The following BACE2 variants were observed in gnomAD, a reference collection of about 807,000 sequenced individuals.
The protein encoded by BACE2 is beta-secretase 2.
BACE2 carries 17 observed loss-of-function variants against 46.2 expected under a neutral mutation model. The ratio of observed to expected loss-of-function variants is 0.37; its 90% CI spans 0.25 to 0.55. BACE2 has a LOEUF of 0.55. BACE2 is among the 20% of genes least tolerant of loss of function. The pLI is 0.82. For missense variants in BACE2, 595 were observed against 698.1 expected, an observed-to-expected ratio of 0.85 and a Z score of 1.66; for synonymous variants, 277 against 295.9, an observed-to-expected ratio of 0.94 and a Z score of 0.66.
intron 7 of BACE2, among the ~76,000 whole-genome samples, chr21:41,252,817 T>G (rs1194607780): frequency 6.6e-6 from 1 of 152,226 alleles, no homozygotes; most frequent in African/African-American, 2.4e-5. Context: ...CTACTGCCTT[T>G]TCCCATTTTC....
At chr21:41,234,989 A>G (rs963895239) in intron 2 of BACE2, among the ~76,000 whole-genome samples, 5 of 152,238 alleles carry the variant, frequency 3.3e-5, no homozygotes, top group African/African-American at 4.8e-5. Context: ...GTAGGCAAAT[A>G]TTAAAAGCCA....
rs552329504 is a variant in BACE2 at position 41,168,639 on chromosome 21, G to C, written c.312+64G>C. 292 of 1,217,116 alleles carry C rather than the reference G, an allele frequency of 2.4e-4. 2 individuals carry two copies. The South Asian group carries it at 0.01, about 42-fold the overall frequency. The allele number at this position is 1,217,116 out of a possible 1,614,324, so 75.4% of individuals were successfully genotyped here. ...CGTTGGAGGGAGGGGGCTGTCCAGA[G>C]ACGCCTCCACGCGGCTTAGCGTCGC... On this transcript the variant is annotated intron_variant, in intron 1 of 8. Transcript: ENST00000330333.
intron 1 of BACE2, chr21:41,176,844 G>T (rs916692705): frequency 2.0e-5 from 3 of 152,204 alleles, no homozygotes. Flanking sequence ...GAAAGGCAAA[G>T]TGAAAAAGAC....
intron 1 of BACE2, among the ~76,000 whole-genome samples, chr21:41,204,228 A>T (rs576561584): frequency 6.6e-6 from 1 of 152,064 alleles, no homozygotes; most frequent in Admixed American, 6.5e-5. Context: ...TTTAGTAGAG[A>T]CAGGGTTTCA....
At chr21:41,196,435 C>G (rs1209683080) in intron 1 of BACE2, among the ~76,000 whole-genome samples, 2 of 152,044 alleles carry the variant, frequency 1.3e-5, no homozygotes, top group Non-Finnish European at 2.9e-5. Flanking sequence ...ACTGTCATAG[C>G]AAATGATTAG....
At chr21:41,182,473 G>A (rs751130459) in intron 1 of BACE2, 2 of 166,876 alleles carry the variant, frequency 1.2e-5, no homozygotes, top group Admixed American at 6.5e-5. Flanking sequence ...GGGAAGGACA[G>A]TATTTTATTT....
chr21:41,255,856 C>T (rs1255248363), intron 7 of BACE2, among the ~76,000 whole-genome samples: 2 of 152,186 alleles, frequency 1.3e-5, no homozygotes. Context: ...GCCTGCTTTC[C>T]AGCCTAGCTC....
intron 1 of BACE2, among the ~76,000 whole-genome samples, chr21:41,189,413 G>A: frequency 6.6e-6 from 1 of 152,082 alleles, no homozygotes. Flanking sequence ...TAGTTTTCAG[G>A]ATCACTTTCT....
intron 1 of BACE2, among the ~76,000 whole-genome samples, chr21:41,206,396 C>A (rs1432845396): frequency 6.6e-6 from 1 of 152,162 alleles, no homozygotes; most frequent in East Asian, 1.9e-4. Flanking sequence ...AGGATTGCAA[C>A]AAAAGGCAGG....
chr21:41,241,987 A>G (rs1987307310), intron 4 of BACE2, 40 bp downstream of exon 4: 4 of 1,608,474 alleles, frequency 2.5e-6, no homozygotes, highest in South Asian at 1.1e-5. Context: ...AAAATCACAG[A>G]TGGATGGGCT....
At chr21:41,249,647 C>T (rs1297288623) in intron 6 of BACE2, among the ~76,000 whole-genome samples, 1 of 152,230 alleles carries the variant, frequency 6.6e-6, no homozygotes, top group African/African-American at 2.4e-5. Flanking sequence ...GCTTGGCCCT[C>T]CAGCCCAGCT....
At chr21:41,214,775 A>G (rs1420541534) in intron 1 of BACE2, among the ~76,000 whole-genome samples, 1 of 152,190 alleles carries the variant, frequency 6.6e-6, no homozygotes, top group East Asian at 1.9e-4. Flanking sequence ...TGACAAAGAG[A>G]TGAGCCACAT....
In BACE2 at chr21:41,282,481, T is replaced by A. The variant is rs1568901005; in HGVS notation, c.*6857T>A. On this transcript the variant is annotated 3_prime_UTR_variant, in exon 9 of 9. Coordinates refer to ENST00000330333, the MANE Select transcript of BACE2 (RefSeq NM_012105.5). Reference sequence around the variant, plus strand: ...TCCAGCAATTTAAGATATATACCATTGAAAGGGAAATAAAACATTTTTGTT... The same window carrying A: ...TCCAGCAATTTAAGATATATACCATAGAAAGGGAAATAAAACATTTTTGTT... The A allele has an allele frequency of 6.6e-6, 1 of 152,204 alleles. No individual in the cohort carries two copies. Among genetic ancestry groups the A allele is most frequent in the Non-Finnish European group, 1.5e-5 (1 of 68,032 alleles). The allele number at this position is 152,204 out of a possible 1,614,324, so 9.4% of individuals were successfully genotyped here.
At chr21:41,206,427 T>C (rs1001987495) in intron 1 of BACE2, among the ~76,000 whole-genome samples, 2 of 152,224 alleles carry the variant, frequency 1.3e-5, no homozygotes, top group South Asian at 2.1e-4. Context: ...AATCAGGTCA[T>C]AACAGCATAT....
At chr21:41,235,579 G>A (rs1987092965) in intron 2 of BACE2, among the ~76,000 whole-genome samples, 1 of 152,248 alleles carries the variant, frequency 6.6e-6, no homozygotes, top group Admixed American at 6.5e-5. Flanking sequence ...GCTCATGCCT[G>A]TAATCCCAGC....
intron 5 of BACE2, 97 bp downstream of exon 5, chr21:41,243,607 A>T (rs970090841): frequency 7.8e-6 from 10 of 1,276,100 alleles, no homozygotes; most frequent in African/African-American, 6.1e-5. Context: ...AAGGTACATT[A>T]CCTCGTAAGA....
At chr21:41,197,438 T>A (rs1375922502) in intron 1 of BACE2, among the ~76,000 whole-genome samples, 1 of 151,940 alleles carries the variant, frequency 6.6e-6, no homozygotes, top group African/African-American at 2.4e-5. Flanking sequence ...ACAAAACAGG[T>A]CCCTTTAAGA....
At chr21:41,243,910 A>G (rs1005634727) in intron 5 of BACE2, among the ~76,000 whole-genome samples, 6 of 125,362 alleles carry the variant, frequency 4.8e-5, no homozygotes, top group Admixed American at 1.4e-4. Context: ...CGAAAAGATC[A>G]TCAGCTTTTA....
intron 3 of BACE2, among the ~76,000 whole-genome samples, chr21:41,240,383 C>CGAG (rs1987251698): frequency 6.6e-6 from 1 of 152,216 alleles, no homozygotes; most frequent in South Asian, 2.1e-4. Context: ...AGAGGGATCC[C>CGAG]GAGGCACAGC....
Sources: gnomAD v4.1 joint callset for allele counts (sites outside exome capture counted in the v4.1 genomes callset) on GRCh38, gnomAD v4.1.1 for gene constraint, MANE v1.5 for transcripts, NCBI Gene and HGNC (gene_info 2026-07-23, HGNC 2026-07-21) for gene names.